INPP4B: variants seen among roughly 807,000 people sequenced by gnomAD.
The protein encoded by INPP4B is inositol polyphosphate 4-phosphatase type II.
INPP4B carries 55 observed loss-of-function variants against 122.5 expected under a neutral mutation model. The observed-to-expected ratio is 0.45, with a 90% confidence interval of 0.36 to 0.56. The LOEUF is 0.56. INPP4B is among the 20% of genes least tolerant of loss of function. The pLI, the probability that INPP4B is intolerant of heterozygous loss-of-function variation, is 0.00. For missense variants in INPP4B, 1,000 were observed against 1,097.7 expected (o/e 0.91, Z 1.26); for synonymous variants, 403 against 388.7 (o/e 1.04, Z -0.43).
intron 25 of INPP4B, among the ~76,000 whole-genome samples, chr4:142,033,505 C>T (rs1216723371): frequency 6.6e-6 from 1 of 152,126 alleles, no homozygotes; most frequent in Non-Finnish European, 1.5e-5. Flanking sequence ...AAGTCTCCTT[C>T]ACTGATCATT....
intron 2 of INPP4B, among the ~76,000 whole-genome samples, chr4:142,715,607 A>T (rs557018522): frequency 7.2e-5 from 11 of 152,174 alleles, no homozygotes; most frequent in African/African-American, 2.7e-4. Context: ...AAATAAAGGC[A>T]TAGGTGAAAG....
At chr4:142,633,262 GA>G (rs1223932433) in intron 2 of INPP4B, among the ~76,000 whole-genome samples, 1 of 151,828 alleles carries the variant, frequency 6.6e-6, no homozygotes, top group East Asian at 1.9e-4. Flanking sequence ...CAAATATTTA[GA>G]AAAATAAAGG....
rs559730603 is a variant in INPP4B, at chr4:142,178,660, G to GC, written c.1182-4852_1182-4851insG. 2.6e-4 allele frequency among the ~76,000 whole-genome samples: 40 copies of GC among 152,096 alleles called. 1 individual carries two copies. The highest frequency in any genetic ancestry group is 8.2e-4 in the African/African-American group (34 of 41,500). On this transcript the variant is annotated intron_variant, in intron 15 of 25. Transcript: ENST00000262992. Reference sequence around the variant, plus strand: ...GATTAACAGGCAAGGAGAAAAACAAGAAGGAAAAGACAGGGAAGGTGGGAC... The same window carrying GC: ...GATTAACAGGCAAGGAGAAAAACAAGCAAGGAAAAGACAGGGAAGGTGGGAC...
rs148811064 is a variant in INPP4B at position 142,690,502 on chromosome 4, G to A, written c.-191+35337C>T. Reference sequence around the variant, plus strand: ...TTGATTCTGCATCCACTCCCCACAGGAGCCCTGGCTGCCTTCAAAATTTTC... The same window carrying A: ...TTGATTCTGCATCCACTCCCCACAGAAGCCCTGGCTGCCTTCAAAATTTTC... On this transcript the variant is annotated intron_variant, in intron 2 of 25. Transcript: ENST00000262992. Among the ~76,000 whole-genome samples, 16 of 152,192 alleles carry A rather than the reference G, an allele frequency of 1.1e-4. 1 individual carries two copies. The East Asian group carries it at 3.1e-3, about 29-fold the overall frequency.
intron 10 of INPP4B, among the ~76,000 whole-genome samples, chr4:142,263,408 T>G (rs898959699): frequency 1.8e-4 from 27 of 152,168 alleles, no homozygotes; most frequent in African/African-American, 5.8e-4. Context: ...TCTTATTTAT[T>G]GATCCACCAA....
In INPP4B at chr4:142,821,554, C is replaced by A. The variant is rs544118030; in HGVS notation, c.-254+24655G>T. 3.9e-3 allele frequency among the ~76,000 whole-genome samples: 586 copies of A among 152,028 alleles called. 1 individual carries two copies. Among genetic ancestry groups the A allele is most frequent in the African/African-American group, 0.013 (542 of 41,464 alleles). ...TAGGTATAGTTTATTTTTCAAATTGCCATAACTATGTAGCCTTATTTAACA... is the reference window on the plus strand; with the variant it reads ...TAGGTATAGTTTATTTTTCAAATTGACATAACTATGTAGCCTTATTTAACA... On this transcript the variant is annotated intron_variant, in intron 1 of 25. Transcript: ENST00000262992.
intron 7 of INPP4B, among the ~76,000 whole-genome samples, chr4:142,324,394 C>G (rs1050590925): frequency 1.3e-5 from 2 of 152,046 alleles, no homozygotes. Flanking sequence ...TGCTTCTCAG[C>G]CCTGAAAAAG....
intron 12 of INPP4B, among the ~76,000 whole-genome samples, chr4:142,219,055 T>G (rs1848398635): frequency 6.6e-6 from 1 of 152,168 alleles, no homozygotes. Context: ...TTAAAATACA[T>G]TCTTATAAAT....
At chr4:142,250,845 C>T (rs1261862882) in intron 11 of INPP4B, among the ~76,000 whole-genome samples, 1 of 152,110 alleles carries the variant, frequency 6.6e-6, no homozygotes, top group East Asian at 1.9e-4. Context: ...GGACTGCCAC[C>T]ACCAAACTGT....
chr4:142,477,063 C>G (rs1393127246), intron 2 of INPP4B, among the ~76,000 whole-genome samples: 1 of 152,148 alleles, frequency 6.6e-6, no homozygotes. Context: ...CAATACTCAG[C>G]AAATTCAAAG....
intron 9 of INPP4B, among the ~76,000 whole-genome samples, chr4:142,301,011 T>G (rs773742042): frequency 5.3e-5 from 8 of 152,180 alleles, no homozygotes; most frequent in Non-Finnish European, 1.0e-4. Context: ...CTCGTTAAGA[T>G]GAGCTGAAAG....
chr4:142,564,439 C>CAAAAAAAAAAAAA (rs199803105), intron 2 of INPP4B, among the ~76,000 whole-genome samples: 50 of 97,814 alleles, frequency 5.1e-4, no homozygotes, highest in East Asian at 3.1e-3. Flanking sequence ...TAAGGAATGG[C>CAAAAAAAAAAAAA]AAAAAAAAAA....
intron 2 of INPP4B, among the ~76,000 whole-genome samples, chr4:142,471,644 TG>T (rs1307038815): frequency 6.6e-6 from 1 of 152,224 alleles, no homozygotes; most frequent in Admixed American, 6.5e-5. Flanking sequence ...GCAGAGGTTC[TG>T]CCCTGAGGCC....
chr4:142,054,219 C>T (rs1025873685), intron 25 of INPP4B, among the ~76,000 whole-genome samples: 5 of 151,380 alleles, frequency 3.3e-5, no homozygotes, highest in Admixed American at 6.6e-5. Flanking sequence ...GGCTGCCCCA[C>T]GCTCAATGCA....
intron 2 of INPP4B, among the ~76,000 whole-genome samples, chr4:142,661,602 AT>A (rs1174364155): frequency 6.6e-6 from 1 of 152,126 alleles, no homozygotes; most frequent in East Asian, 1.9e-4. Flanking sequence ...AAATTTAGCA[AT>A]TTTTTCAGAG....
At chr4:142,420,825 T>C (rs1806715097) in intron 5 of INPP4B, among the ~76,000 whole-genome samples, 1 of 152,118 alleles carries the variant, frequency 6.6e-6, no homozygotes, top group African/African-American at 2.4e-5. Context: ...GCTTAGAAGG[T>C]GTTCAGCAAG....
intron 2 of INPP4B, among the ~76,000 whole-genome samples, chr4:142,589,943 G>A (rs971613011): frequency 6.6e-6 from 1 of 151,968 alleles, no homozygotes; most frequent in Non-Finnish European, 1.5e-5. Context: ...GAGATATTCA[G>A]CAATTAAAAA....
At chr4:142,578,241 T>C (rs1734267258) in intron 2 of INPP4B, among the ~76,000 whole-genome samples, 1 of 152,008 alleles carries the variant, frequency 6.6e-6, no homozygotes, top group South Asian at 2.1e-4. Flanking sequence ...GTCAACAAGA[T>C]GGATACACAC....
At chr4:142,331,474 A>G (rs1444201908) in intron 7 of INPP4B, among the ~76,000 whole-genome samples, 1 of 152,208 alleles carries the variant, frequency 6.6e-6, no homozygotes, top group East Asian at 1.9e-4. Flanking sequence ...ATCTTCGTGA[A>G]ATACAAGTAT....
Sources: allele counts gnomAD v4.1 joint callset (sites outside exome capture counted in the v4.1 genomes callset), GRCh38; gene constraint gnomAD v4.1.1; transcripts MANE v1.5; gene names NCBI Gene and HGNC (gene_info 2026-07-23, HGNC 2026-07-21).